Variants in TMCO5A observed in about 807,000 individuals in gnomAD.
TMCO5A encodes the protein transmembrane and coiled-coil domain-containing protein 5A.
TMCO5A carries 34 observed loss-of-function variants against 42.3 expected under a neutral mutation model. The observed-to-expected ratio is 0.80, with a 90% CI of 0.61 to 1.07. The LOEUF (loss-of-function observed/expected upper bound fraction) is 1.07. Ranked by LOEUF, TMCO5A falls within the 50% of genes least tolerant of loss-of-function variation. TMCO5A has a pLI of 0.00. For missense variants in TMCO5A, 357 were observed against 327.9 expected (o/e 1.09, Z -0.69); for synonymous variants, 131 against 115.6 (o/e 1.13, Z -0.86).
rs949250307 is a variant in TMCO5A, at chr15:37,941,814, C to G, written c.504+84C>G. The stretch of plus-strand genomic sequence containing the variant: ...ACAAGGATTTTCAAAGACTACTGTC[C>G]AGAGCAATTTCAACAGTTCAAGGTG... On this transcript the variant is annotated intron_variant, in intron 8 of 11. Coordinates refer to ENST00000319669, the MANE Select transcript of TMCO5A (RefSeq NM_152453.4). 1.6e-5 allele frequency: 19 copies of G among 1,209,830 alleles called. No homozygotes were observed. The Admixed American group carries it at 3.3e-4, about 21-fold the overall frequency. The allele number at this position is 1,209,830 out of a possible 1,614,324, so 74.9% of individuals were successfully genotyped here.
At chr15:38,026,662 T>A in the TMCO5A span, among the ~76,000 whole-genome samples, 1 of 152,330 alleles carries the variant, frequency 6.6e-6, no homozygotes. Context: ...GGAAAATGTC[T>A]CCAGGGCATG....
chr15:38,038,039 T>C, the TMCO5A span, among the ~76,000 whole-genome samples: 1 of 151,918 alleles, frequency 6.6e-6, no homozygotes, highest in Non-Finnish European at 1.5e-5. Context: ...AAAAAAATAC[T>C]AACAATAATT....
intron 11 of TMCO5A, among the ~76,000 whole-genome samples, chr15:37,957,676 T>C (rs1890324917): frequency 6.6e-6 from 1 of 152,172 alleles, no homozygotes; most frequent in Non-Finnish European, 1.5e-5. Context: ...CAAAGTAATT[T>C]ACAGATTCAG....
intron 11 of TMCO5A, among the ~76,000 whole-genome samples, chr15:37,962,491 G>C (rs1430939695): frequency 1.3e-5 from 2 of 152,036 alleles, no homozygotes; most frequent in East Asian, 3.9e-4. Flanking sequence ...ATATCAATCT[G>C]TAGTTTTCTT....
At chr15:37,997,517 C>G in the TMCO5A span, among the ~76,000 whole-genome samples, 3 of 152,268 alleles carry the variant, frequency 2.0e-5, no homozygotes, top group South Asian at 4.1e-4. Context: ...CAGTTCCACC[C>G]ATGTTATTGC....
the TMCO5A span, among the ~76,000 whole-genome samples, chr15:37,982,737 A>T: frequency 7.1e-6 from 1 of 141,380 alleles, no homozygotes; most frequent in Admixed American, 7.1e-5. Flanking sequence ...ATAATATATA[A>T]ATATATATAA....
intron 11 of TMCO5A, among the ~76,000 whole-genome samples, chr15:37,957,079 T>C (rs1042792804): frequency 3.3e-5 from 5 of 152,072 alleles, no homozygotes; most frequent in Non-Finnish European, 7.4e-5. Flanking sequence ...TAGGTATTGA[T>C]GGAACATTTC....
At chr15:37,955,273 A>C (rs1595603440), downstream of TMCO5A, among the ~76,000 whole-genome samples, 2 of 151,560 alleles carry the variant, frequency 1.3e-5, no homozygotes, top group South Asian at 4.2e-4. Flanking sequence ...AAAAAAAAAA[A>C]AACTTAACAA....
At chr15:37,978,677 T>C in the TMCO5A span, among the ~76,000 whole-genome samples, 1 of 152,162 alleles carries the variant, frequency 6.6e-6, no homozygotes, top group Non-Finnish European at 1.5e-5. Flanking sequence ...CCACCATCGA[T>C]TGATGTGTTC....
chr15:38,017,829 C>A, the TMCO5A span, among the ~76,000 whole-genome samples: 1 of 152,080 alleles, frequency 6.6e-6, no homozygotes, highest in Non-Finnish European at 1.5e-5. Context: ...GGGGGCAGGG[C>A]CTGGCGAGAG....
At chr15:37,987,431 G>A in the TMCO5A span, among the ~76,000 whole-genome samples, 1 of 151,728 alleles carries the variant, frequency 6.6e-6, no homozygotes, top group Admixed American at 6.6e-5. Flanking sequence ...TTGTTGCTTA[G>A]GCCTTTGGTG....
chr15:37,975,318 TA>T, the TMCO5A span, among the ~76,000 whole-genome samples: 1 of 152,228 alleles, frequency 6.6e-6, no homozygotes, highest in Admixed American at 6.5e-5. Context: ...CTCAATTATC[TA>T]ATACTGTCAG....
chr15:37,974,126 T>A, the TMCO5A span, among the ~76,000 whole-genome samples: 6 of 152,118 alleles, frequency 3.9e-5, no homozygotes, highest in African/African-American at 1.4e-4. Context: ...TGATTGTGGT[T>A]GATTATTTTT....
downstream of TMCO5A, among the ~76,000 whole-genome samples, chr15:37,969,516 G>A (rs895969526): frequency 1.3e-5 from 2 of 152,120 alleles, no homozygotes; most frequent in Non-Finnish European, 1.5e-5. Context: ...ACTGCCTTGA[G>A]GGTTTCCAAT....
At chr15:37,996,134 T>C in the TMCO5A span, among the ~76,000 whole-genome samples, 3 of 152,226 alleles carry the variant, frequency 2.0e-5, no homozygotes, top group Admixed American at 2.0e-4. Context: ...AACTCACTGA[T>C]TCAATCATTT....
chr15:38,018,563 C>CA, the TMCO5A span, among the ~76,000 whole-genome samples: 14 of 147,728 alleles, frequency 9.5e-5, no homozygotes, highest in African/African-American at 2.2e-4. Context: ...ACCCAACTGG[C>CA]AAAAAAAAGA....
chr15:37,960,780 A>G (rs1890403964), intron 11 of TMCO5A, among the ~76,000 whole-genome samples: 1 of 152,180 alleles, frequency 6.6e-6, no homozygotes, highest in Non-Finnish European at 1.5e-5. Flanking sequence ...CTTGATCATT[A>G]GTGATACTGA....
intron 10 of TMCO5A, among the ~76,000 whole-genome samples, chr15:37,946,355 G>C (rs541296952): frequency 1.1e-4 from 17 of 152,002 alleles, no homozygotes; most frequent in Admixed American, 5.3e-4. Flanking sequence ...GGCTCTTTTT[G>C]GTTCCACATG....
At chr15:37,961,280 C>T (rs376250126) in intron 11 of TMCO5A, among the ~76,000 whole-genome samples, 2 of 152,078 alleles carry the variant, frequency 1.3e-5, no homozygotes, top group Non-Finnish European at 2.9e-5. Flanking sequence ...TATCCCAGCA[C>T]TATTTGTTGA....
Sources: gnomAD v4.1 joint callset for allele counts (sites outside exome capture counted in the v4.1 genomes callset) on GRCh38, gnomAD v4.1.1 for gene constraint, MANE v1.5 for transcripts, NCBI Gene and HGNC (gene_info 2026-07-23, HGNC 2026-07-21) for gene names.